Variants in RRAGD observed in about 807,000 individuals in gnomAD.
RRAGD encodes ras-related GTP-binding protein D.
A neutral mutation model predicts 35.5 loss-of-function variants in RRAGD; 12 were observed. That is an observed-to-expected ratio of 0.34 (90% CI 0.22 to 0.55). The LOEUF is 0.55. Among genes scored for constraint, RRAGD ranks in the 20% least tolerant of loss-of-function variants. The probability of loss-of-function intolerance (pLI) is 0.91; values close to 1 mark genes in which losing one functional copy is unlikely to be tolerated. For synonymous variants in RRAGD, 155 were observed against 178.9 expected (o/e 0.87, Z 1.07); for missense variants, 324 against 490.1 (o/e 0.66, Z 3.20).
intron 6 of RRAGD, among the ~76,000 whole-genome samples, chr6:89,371,209 C>G (rs13212185): frequency 0.14 from 21,193 of 151,728 alleles, 1,896 homozygotes; most frequent in East Asian, 0.33. Context: ...GAGAGAAGGG[C>G]CAGACGTGGT....
chr6:89,390,909 AAACATACAG>A (rs1309586914), intron 1 of RRAGD, among the ~76,000 whole-genome samples: 3 of 151,994 alleles, frequency 2.0e-5, no homozygotes, highest in Non-Finnish European at 4.4e-5. Context: ...AAAAAAGATT[AAACATACAG>A]TCACCATATG....
chr6:89,411,663 G>A lies in RRAGD; in HGVS notation c.148+183C>T, dbSNP rs530076259. Among the ~76,000 whole-genome samples, 212 of 152,218 alleles carry A rather than the reference G, an allele frequency of 1.4e-3. No homozygotes were observed. Among genetic ancestry groups the A allele is most frequent in the Middle Eastern group, 3.4e-3 (1 of 294 alleles). On this transcript the variant is annotated intron_variant, in intron 1 of 6. Transcript: ENST00000369415. The surrounding 1 kb of genome is among the most constrained non-coding windows in gnomAD (Gnocchi z 5.6). ...GTTGCCCCTCCGCCACCAGCACCGC[G>A]CTCCCTCATTTGGCAGCTCGAGGTC...
At chr6:89,407,029 A>G (rs1252294447) in intron 1 of RRAGD, among the ~76,000 whole-genome samples, 2 of 152,244 alleles carry the variant, frequency 1.3e-5, no homozygotes, top group African/African-American at 4.8e-5. Context: ...GCCTGCAAAA[A>G]GGGAAAGGTA....
intron 1 of RRAGD, among the ~76,000 whole-genome samples, chr6:89,393,033 T>A (rs1257801700): frequency 2.0e-5 from 3 of 152,214 alleles, no homozygotes; most frequent in African/African-American, 7.2e-5. Context: ...TACAAGTCAA[T>A]CTTAGCAAGA....
chr6:89,372,702 T>G, intron 5 of RRAGD, 117 bp from the exon 6 acceptor site: 1 of 985,662 alleles, frequency 1.0e-6, no homozygotes, highest in Non-Finnish European at 1.5e-6. Flanking sequence ...TTGTTTACAC[T>G]TGCAGTGCCT....
intron 1 of RRAGD, among the ~76,000 whole-genome samples, chr6:89,402,342 G>GTAA (rs1562465459): frequency 5.9e-5 from 9 of 152,050 alleles, no homozygotes; most frequent in African/African-American, 2.2e-4. Context: ...CACTGAGCCC[G>GTAA]GCCTGGAAAT....
chr6:89,396,762 C>T (rs1292413208), intron 1 of RRAGD, among the ~76,000 whole-genome samples: 2 of 91,082 alleles, frequency 2.2e-5, no homozygotes, highest in Non-Finnish European at 3.9e-5. Context: ...TTTTTTGAGA[C>T]AGAGTCTTGC....
intron 1 of RRAGD, among the ~76,000 whole-genome samples, chr6:89,398,926 T>C (rs1769394811): frequency 6.6e-6 from 1 of 152,206 alleles, no homozygotes; most frequent in African/African-American, 2.4e-5. Context: ...CTTAGAAAGG[T>C]CAAGTAACAT....
intron 1 of RRAGD, among the ~76,000 whole-genome samples, chr6:89,398,316 T>C (rs1393229931): frequency 6.6e-6 from 1 of 152,248 alleles, no homozygotes; most frequent in African/African-American, 2.4e-5. Context: ...ATATGTGTTA[T>C]GTCAATTAAT....
intron 1 of RRAGD, among the ~76,000 whole-genome samples, chr6:89,404,311 T>C (rs918296241): frequency 1.2e-4 from 18 of 152,306 alleles, no homozygotes; most frequent in Admixed American, 7.8e-4. Flanking sequence ...AATAGATGTT[T>C]GTTGGGATGA....
At chr6:89,397,614 CA>C (rs924916547) in intron 1 of RRAGD, among the ~76,000 whole-genome samples, 3 of 133,180 alleles carry the variant, frequency 2.3e-5, no homozygotes, top group South Asian at 2.4e-4. Context: ...AAAAAAAAAA[CA>C]AAAAAAAACA....
intron 1 of RRAGD, among the ~76,000 whole-genome samples, chr6:89,398,388 C>A (rs1331681986): frequency 6.6e-6 from 1 of 152,118 alleles, no homozygotes; most frequent in Non-Finnish European, 1.5e-5. Flanking sequence ...AGAACGGAAA[C>A]CCTAACAGTT....
intron 1 of RRAGD, among the ~76,000 whole-genome samples, chr6:89,394,728 C>G (rs1382883576): frequency 1.3e-5 from 2 of 151,712 alleles, no homozygotes; most frequent in Non-Finnish European, 2.9e-5. Flanking sequence ...TAAGGATAAC[C>G]ATTTCAAATA....
At position 89,372,687 on chromosome 6, in the gene RRAGD, A is replaced by AT; in HGVS notation, c.903-103dup. 6 of 1,256,976 alleles carry AT rather than the reference A, an allele frequency of 4.8e-6. No individual in the cohort carries two copies. In the South Asian group the frequency reaches 7.7e-5, roughly 16 times the overall value. The allele number at this position is 1,256,976 out of a possible 1,614,324, so 77.9% of individuals were successfully genotyped here. A position where few individuals can be genotyped will look rare whatever the true frequency, so the allele number is the denominator to read the frequency against. ...CTTTAAGCCACAAAAAGTGATAATC[A>AT]TAAGTTGTTTACACTTGCAGTGCCT... On this transcript the variant is annotated intron_variant, in intron 5 of 6. Coordinates refer to ENST00000369415, the MANE Select transcript of RRAGD (RefSeq NM_021244.5).
In RRAGD at chr6:89,411,889, G is replaced by A. The variant is rs1170787935; in HGVS notation, c.105C>T (p.Pro35=). 11 of 1,546,620 alleles carry A rather than the reference G, an allele frequency of 7.1e-6. No homozygotes were observed. The highest frequency in any genetic ancestry group is 8.7e-6 in the Non-Finnish European group (10 of 1,148,528). The change falls in exon 1 of 7, where the codon CCC becomes CCT. Residue 35 remains proline (P), a synonymous_variant. Transcript: ENST00000369415. The surrounding 1 kb of genome is among the most constrained non-coding windows in gnomAD (Gnocchi z 5.6). Reference sequence around the variant, plus strand: ...TGTCCGGATCGGCGTCGGAGGAGTCGGGCCCGTCTCCGTAGTCCGCTAGCC... The same window carrying A: ...TGTCCGGATCGGCGTCGGAGGAGTCAGGCCCGTCTCCGTAGTCCGCTAGCC... The part of the protein sequence containing the change: ...LVGLADYGDG[P]DSSDADPDSG...
rs1582506893 is a variant in RRAGD at position 89,377,952 on chromosome 6, T to C, written c.760-139A>G. The stretch of plus-strand genomic sequence containing the variant: ...CTACTAAAAATTTAAATTGTATCAT[T>C]TTATTACAATTTAAACTTCACTGTC... On this transcript the variant is annotated intron_variant, in intron 4 of 6. Coordinates refer to ENST00000369415, the MANE Select transcript of RRAGD (RefSeq NM_021244.5). 24 of 649,790 alleles carry C rather than the reference T, an allele frequency of 3.7e-5. No homozygotes were observed. In the East Asian group the frequency reaches 6.8e-4, roughly 19 times the overall value. The allele number at this position is 649,790 out of a possible 1,614,324, so 40.3% of individuals were successfully genotyped here.
At chr6:89,372,086 G>A (rs1217710745) in intron 6 of RRAGD, among the ~76,000 whole-genome samples, 1 of 152,196 alleles carries the variant, frequency 6.6e-6, no homozygotes, top group African/African-American at 2.4e-5. Flanking sequence ...CTCAGTATAG[G>A]CTGGGAGTCT....
intron 6 of RRAGD, among the ~76,000 whole-genome samples, chr6:89,371,023 G>GT (rs1245445743): frequency 6.6e-6 from 1 of 151,352 alleles, no homozygotes; most frequent in African/African-American, 2.4e-5. Flanking sequence ...CATGATATAC[G>GT]TAAGTGAAAT....
At chr6:89,371,407 T>C (rs1253166379) in intron 6 of RRAGD, among the ~76,000 whole-genome samples, 2 of 152,022 alleles carry the variant, frequency 1.3e-5, no homozygotes, top group Admixed American at 1.3e-4. Flanking sequence ...GAGGATCACT[T>C]GGGCCCGGGT....
Sources: gnomAD v4.1 joint callset for allele counts (sites outside exome capture counted in the v4.1 genomes callset) on GRCh38, gnomAD v4.1.1 for gene constraint, Gnocchi (gnomAD v3.1) non-coding constraint, MANE v1.5 for transcripts, NCBI Gene and HGNC (gene_info 2026-07-23, HGNC 2026-07-21) for gene names.